The following NLRP7 variants were observed in gnomAD, a reference collection of about 807,000 sequenced individuals.
The protein encoded by NLRP7 is NLR family pyrin domain containing 7.
In NLRP7, 72 loss-of-function variants were observed where a neutral mutation model predicts 85.5. That is an observed-to-expected ratio of 0.84 (90% CI 0.70 to 1.02). The LOEUF is 1.02. Among genes scored for constraint, NLRP7 ranks in the 50% least tolerant of loss-of-function variants. The pLI, the probability that NLRP7 is intolerant of heterozygous loss-of-function variation, is 0.00. For missense variants in NLRP7, 1,243 were observed against 1,219.5 expected (o/e 1.02, Z -0.29); for synonymous variants, 550 against 505.2 (o/e 1.09, Z -1.19).
intron 1 of NLRP7, among the ~76,000 whole-genome samples, chr19:54,957,229 C>T (rs1219497372): frequency 6.6e-6 from 1 of 151,598 alleles, no homozygotes; most frequent in Non-Finnish European, 1.5e-5. Context: ...CCCTGTTGTC[C>T]AGGCTAGTCT....
intron 1 of NLRP7, among the ~76,000 whole-genome samples, chr19:54,954,486 T>C (rs1258581959): frequency 1.6e-4 from 17 of 108,136 alleles, no homozygotes; most frequent in Admixed American, 1.5e-3. Context: ...GCCGAGATAG[T>C]GCCACTGCAC....
chr19:54,927,743 C>A (rs777622728), intron 9 of NLRP7: 1 of 1,614,092 alleles, frequency 6.2e-7, no homozygotes, highest in South Asian at 1.1e-5. Flanking sequence ...AAGATGCTGA[C>A]AATAGAAAGG....
intron 4 of NLRP7, 100 bp from the exon 5 acceptor site, chr19:54,938,341 G>A (rs1368180623): frequency 1.1e-6 from 1 of 911,740 alleles, no homozygotes; most frequent in Non-Finnish European, 1.8e-6. Context: ...AATTACTTTT[G>A]CACCAACCTA....
At chr19:54,946,127 G>C (rs930970641) in intron 1 of NLRP7, among the ~76,000 whole-genome samples, 2 of 148,956 alleles carry the variant, frequency 1.3e-5, no homozygotes, top group Non-Finnish European at 3.0e-5. Context: ...GGCTGGCCTC[G>C]AACTCCTGAC....
intron 2 of NLRP7, 69 bp from the exon 3 acceptor site, chr19:54,941,074 A>C (rs1415657666): frequency 5.0e-6 from 6 of 1,194,290 alleles, no homozygotes; most frequent in Non-Finnish European, 7.5e-6. Flanking sequence ...TATTGTACAT[A>C]AAGTGTCAGC....
At chr19:54,950,016 C>T (rs371375956), upstream of NLRP7, among the ~76,000 whole-genome samples, 1 of 151,860 alleles carries the variant, frequency 6.6e-6, no homozygotes, top group Non-Finnish European at 1.5e-5. Context: ...GCATGAGAAT[C>T]ACTTGAACGC....
At chr19:54,960,303 C>T (rs1052490083) in intron 1 of NLRP7, among the ~76,000 whole-genome samples, 4 of 151,730 alleles carry the variant, frequency 2.6e-5, no homozygotes, top group Non-Finnish European at 4.4e-5. Context: ...TTACAGGTGC[C>T]TGCCGCCACA....
chr19:54,930,453 C>A lies in NLRP7; in HGVS notation c.2810+46G>T, dbSNP rs1170994889. ...CTCCAGGCTGGGGGACAGAGCAAGA[C>A]CCTGTCTCAAAAAAAGAAAGAAAGA... On this transcript the variant is annotated intron_variant, in intron 9 of 9. Transcript: ENST00000340844. 3.7e-6 allele frequency: 5 copies of A among 1,366,032 alleles called. No individual in the cohort carries two copies. In the South Asian group the frequency reaches 4.7e-5, roughly 13 times the overall value. 84.6% of individuals were successfully genotyped at this position (1,366,032 alleles called of 1,614,324 possible).
chr19:54,961,398 T>A (rs946130882), intron 1 of NLRP7, among the ~76,000 whole-genome samples: 1 of 151,892 alleles, frequency 6.6e-6, no homozygotes, highest in Non-Finnish European at 1.5e-5. Flanking sequence ...TAATCCCAGC[T>A]AGGGCAGGAG....
intron 1 of NLRP7, 118 bp from the exon 2 acceptor site, chr19:54,941,868 A>G: frequency 1.2e-6 from 1 of 810,574 alleles, no homozygotes. Flanking sequence ...AATATTCCAA[A>G]GACTGAATTA....
intron 9 of NLRP7, 36 bp downstream of exon 10, chr19:54,927,569 C>CA (rs199927192): frequency 2.0e-5 from 30 of 1,532,380 alleles, no homozygotes; most frequent in Non-Finnish European, 2.4e-5. Flanking sequence ...AAAACAAAAA[C>CA]AAAAAACAAA....
intron 9 of NLRP7, among the ~76,000 whole-genome samples, chr19:54,928,020 G>C (rs957532210): frequency 6.6e-6 from 1 of 152,124 alleles, no homozygotes; most frequent in Admixed American, 6.6e-5. Flanking sequence ...CTGAGGTCAG[G>C]AGTTCGAGAC....
chr19:54,925,584 T>C (rs1178700670), intron 9 of NLRP7, among the ~76,000 whole-genome samples: 1 of 152,012 alleles, frequency 6.6e-6, no homozygotes, highest in Non-Finnish European at 1.5e-5. Context: ...GACAGGAGGA[T>C]CGTTTGAAGC....
chr19:54,939,139 A>G, exon 4 of NLRP7: 1 of 1,614,222 alleles, frequency 6.2e-7, no homozygotes, highest in Non-Finnish European at 8.5e-7. Context: ...ATAAGGGCTT[A>G]TTTGCATGAA....
chr19:54,930,669 A>G lies in NLRP7; in HGVS notation c.2643-3T>C, dbSNP rs1346444249. The G allele has an allele frequency of 5.6e-6, 9 of 1,613,060 alleles. No homozygotes were observed. The highest frequency in any genetic ancestry group is 7.6e-6 in the Non-Finnish European group (9 of 1,179,228). ...TGGTTATGCTGCATTGCTGTAACCT[A>G]CAGGATAATCAAAGGAAGAGAAGCC... On this transcript the variant is annotated splice_polypyrimidine_tract_variant and splice_region_variant and intron_variant, in intron 8 of 9. Coordinates refer to ENST00000340844, the Ensembl canonical transcript of NLRP7.
chr19:54,953,600 G>T (rs1012226175), intron 1 of NLRP7, among the ~76,000 whole-genome samples: 12 of 149,986 alleles, frequency 8.0e-5, no homozygotes, highest in Middle Eastern at 3.4e-3. Context: ...GCGCGGGGCT[G>T]TCTGCTTGTG....
At chr19:54,961,040 C>T (rs1306409449) in intron 1 of NLRP7, among the ~76,000 whole-genome samples, 1 of 151,872 alleles carries the variant, frequency 6.6e-6, no homozygotes, top group Non-Finnish European at 1.5e-5. Flanking sequence ...GTGTTTGTTG[C>T]ACTGATGGAA....
intron 8 of NLRP7, among the ~76,000 whole-genome samples, chr19:54,931,831 A>G (rs1198804549): frequency 7.7e-6 from 1 of 129,592 alleles, no homozygotes; most frequent in Admixed American, 7.8e-5. Flanking sequence ...GCCTGGTGAC[A>G]GAGAGAGACT....
intron 9 of NLRP7, among the ~76,000 whole-genome samples, chr19:54,930,072 G>A (rs539548512): frequency 2.1e-5 from 3 of 142,192 alleles, no homozygotes; most frequent in East Asian, 2.1e-4. Context: ...CCGAGATCGC[G>A]CCACTGCACT....
Sources: allele counts gnomAD v4.1 joint callset (sites outside exome capture counted in the v4.1 genomes callset), GRCh38; gene constraint gnomAD v4.1.1; transcripts MANE v1.5; gene names NCBI Gene and HGNC (gene_info 2026-07-23, HGNC 2026-07-21).